GALK2: variants seen among roughly 807,000 people sequenced by gnomAD.
GALK2 encodes the protein galactokinase 2.
In GALK2, 36 loss-of-function variants were observed where a neutral mutation model predicts 52.4. The ratio of observed to expected loss-of-function variants is 0.69; its 90% CI spans 0.53 to 0.91. GALK2 has a LOEUF of 0.91. Among genes scored for constraint, GALK2 ranks in the 40% least tolerant of loss-of-function variants. The probability of loss-of-function intolerance (pLI) is 0.00; values close to 1 mark genes in which losing one functional copy is unlikely to be tolerated. For missense variants in GALK2, 579 were observed against 559.1 expected (o/e 1.04, Z -0.36); for synonymous variants, 176 against 199.1 (o/e 0.88, Z 0.98).
chr15:49,335,505 CTTA>C (rs1224679955), downstream of GALK2: 2 of 1,606,206 alleles, frequency 1.2e-6, no homozygotes, highest in South Asian at 1.1e-5. Context: ...GTGTGCTAGG[CTTA>C]TTATTAAGGA....
chr15:49,230,246 G>A (rs1196488847), intron 3 of GALK2, among the ~76,000 whole-genome samples: 1 of 152,144 alleles, frequency 6.6e-6, no homozygotes, highest in African/African-American at 2.4e-5. Context: ...CCTCTTTGGA[G>A]CAATGCCATC....
rs148873399 is a variant in GALK2, at chr15:49,343,229, C to A, written c.426+23424C>A. Among the ~76,000 whole-genome samples the A allele has an allele frequency of 6.4e-3, 969 of 152,030 alleles. 13 individuals are homozygous for A. The highest frequency in any genetic ancestry group is 0.022 in the African/African-American group (913 of 41,480). Reference sequence around the variant, plus strand: ...AAGATTTTGTTTATTTTTCTTAATTCTTTTTTTAATTTTTTGTCAGACTTG... The same window carrying A: ...AAGATTTTGTTTATTTTTCTTAATTATTTTTTTAATTTTTTGTCAGACTTG... On this transcript the variant is annotated intron_variant, in intron 3 of 3. Coordinates refer to the GALK2 transcript ENST00000558399.
intron 3 of GALK2, among the ~76,000 whole-genome samples, chr15:49,221,746 C>G (rs2089811499): frequency 6.6e-6 from 1 of 151,938 alleles, no homozygotes; most frequent in African/African-American, 2.4e-5. Context: ...GTTCTCCCTT[C>G]TGTCCCATTA....
chr15:49,339,758 A>G (rs756509398), intron 3 of GALK2, among the ~76,000 whole-genome samples: 2 of 152,176 alleles, frequency 1.3e-5, no homozygotes, highest in African/African-American at 2.4e-5. Flanking sequence ...TGTCCCAGGT[A>G]GGTGGGGGTT....
rs553942309 is a variant in GALK2, at chr15:49,286,505, T to C, written c.756+2787T>C. ...TGGGAAATTCAGGAAATTAGAGATA[T>C]ACTGAACGAGGAAAATAAAAGCTTT... On this transcript the variant is annotated intron_variant, in intron 7 of 9. Coordinates refer to ENST00000560031, the MANE Select transcript of GALK2 (RefSeq NM_002044.4). 8.8e-4 allele frequency among the ~76,000 whole-genome samples: 134 copies of C among 152,344 alleles called. 1 individual carries two copies. The highest frequency in any genetic ancestry group is 3.0e-3 in the African/African-American group (123 of 41,592).
intron 1 of GALK2, among the ~76,000 whole-genome samples, chr15:49,172,034 A>G (rs372058888): frequency 3.0e-4 from 46 of 152,258 alleles, no homozygotes; most frequent in African/African-American, 1.1e-3. Flanking sequence ...CAGCCTCCCA[A>G]ATTGCTGGGA....
Position 49,214,282 on chromosome 15 carries a change from C to T in GALK2, c.143-2908C>T, listed in dbSNP as rs546634534. On this transcript the variant is annotated intron_variant, in intron 2 of 9. Coordinates refer to ENST00000560031, the MANE Select transcript of GALK2 (RefSeq NM_002044.4). ...AAAAAAGAAATCAGCAAAAAGAAAA[C>T]AAAAAAACCCCCCAAAACTTTACCT... Among the ~76,000 whole-genome samples, 4 of 148,060 alleles carry T rather than the reference C, an allele frequency of 2.7e-5. No homozygotes were observed. In the South Asian group the frequency reaches 8.6e-4, roughly 32 times the overall value.
rs183412711 is a variant in GALK2, at chr15:49,291,066, A to G, written c.757-1261A>G. 4.1e-4 allele frequency among the ~76,000 whole-genome samples: 63 copies of G among 151,948 alleles called. 2 individuals are homozygous for G. The East Asian group carries it at 0.012, about 29-fold the overall frequency. ...TGCCTCCTGGGTTCAAGCAATTTTC[A>G]TTCCTCAGCCTCCTGAGTAGCTGGG... is the stretch of plus-strand genomic sequence containing the variant. On this transcript the variant is annotated intron_variant, in intron 7 of 9. Transcript: ENST00000560031.
chr15:49,317,636 A>G (rs894057782), intron 8 of GALK2, among the ~76,000 whole-genome samples: 2 of 152,212 alleles, frequency 1.3e-5, no homozygotes, highest in Non-Finnish European at 2.9e-5. Context: ...ACTATTCACA[A>G]TAGCAAAGAC....
intron 1 of GALK2, among the ~76,000 whole-genome samples, chr15:49,180,511 C>T (rs376742924): frequency 1.3e-5 from 2 of 152,156 alleles, no homozygotes; most frequent in East Asian, 3.9e-4. Flanking sequence ...TTTATTTCTA[C>T]AATCCGAATT....
chr15:49,249,602 G>A (rs983790936), intron 5 of GALK2, among the ~76,000 whole-genome samples: 3 of 152,116 alleles, frequency 2.0e-5, no homozygotes, highest in African/African-American at 7.2e-5. Context: ...ATGAAGTTTT[G>A]TTGACTGTAT....
rs1318753324 is a variant in GALK2 at position 49,355,458 on chromosome 15, G to A, written c.427-12033G>A. Among the ~76,000 whole-genome samples, 13 of 152,312 alleles carry A rather than the reference G, an allele frequency of 8.5e-5. No homozygotes were observed. In the East Asian group the frequency reaches 2.5e-3, roughly 29 times the overall value. On this transcript the variant is annotated intron_variant, in intron 3 of 3. Coordinates refer to the GALK2 transcript ENST00000558399. ...CGTGAAGAATGCAGAAGCCTCAGGAGCCGATGCGATCAACTGGAAGAAAGG... is the reference window on the plus strand; with the variant it reads ...CGTGAAGAATGCAGAAGCCTCAGGAACCGATGCGATCAACTGGAAGAAAGG...
chr15:49,347,281 T>C (rs911650757), intron 3 of GALK2, among the ~76,000 whole-genome samples: 5 of 152,192 alleles, frequency 3.3e-5, no homozygotes, highest in Admixed American at 2.6e-4. Flanking sequence ...AAGAAATTAG[T>C]AAGAATAAGA....
chr15:49,184,288 C>T (rs1015784342), intron 1 of GALK2, among the ~76,000 whole-genome samples: 2 of 151,830 alleles, frequency 1.3e-5, no homozygotes, highest in Admixed American at 1.3e-4. Context: ...AGTATAGCTA[C>T]ACCTGCTCTT....
At chr15:49,225,586 A>G (rs1037626885) in intron 3 of GALK2, among the ~76,000 whole-genome samples, 2 of 152,214 alleles carry the variant, frequency 1.3e-5, no homozygotes, top group African/African-American at 4.8e-5. Context: ...TGTCTTCCAC[A>G]AAACTGGTCC....
At chr15:49,202,537 T>C (rs2087873131) in intron 2 of GALK2, among the ~76,000 whole-genome samples, 1 of 152,246 alleles carries the variant, frequency 6.6e-6, no homozygotes, top group South Asian at 2.1e-4. Context: ...AGGATTTCAC[T>C]CTTTTAGGTG....
intron 2 of GALK2, among the ~76,000 whole-genome samples, chr15:49,214,155 T>G (rs2089176806): frequency 6.6e-6 from 1 of 151,994 alleles, no homozygotes; most frequent in Non-Finnish European, 1.5e-5. Flanking sequence ...ACTTTTTTTG[T>G]ATCTGTTACA....
intron 3 of GALK2, among the ~76,000 whole-genome samples, chr15:49,363,783 G>A (rs895949885): frequency 2.2e-4 from 34 of 152,086 alleles, no homozygotes; most frequent in African/African-American, 8.0e-4. Flanking sequence ...TTTGAAGTAT[G>A]TTCCTTCAAT....
chr15:49,298,223 A>G (rs982169559), intron 8 of GALK2, among the ~76,000 whole-genome samples: 1 of 151,980 alleles, frequency 6.6e-6, no homozygotes, highest in African/African-American at 2.4e-5. Flanking sequence ...TAGCTTGGAC[A>G]TTACTGGTGT....
Sources: gnomAD v4.1 joint callset for allele counts (sites outside exome capture counted in the v4.1 genomes callset) on GRCh38, gnomAD v4.1.1 for gene constraint, MANE v1.5 for transcripts, NCBI Gene and HGNC (gene_info 2026-07-23, HGNC 2026-07-21) for gene names.